The following SEMA5A variants were observed in gnomAD, a reference collection of about 807,000 sequenced individuals.
The protein encoded by SEMA5A is semaphorin 5A, also known as semaphorin-5A.
Under a neutral mutation model 135.5 loss-of-function variants are expected in SEMA5A, and 55 were observed. That is an observed-to-expected ratio of 0.41 (90% CI 0.33 to 0.51). The LOEUF (loss-of-function observed/expected upper bound fraction) is 0.51, where lower values mean the gene tolerates loss of function less well. SEMA5A is among the 20% of genes least tolerant of loss of function. The pLI is 0.37. For synonymous variants in SEMA5A, 580 were observed against 546.5 expected (o/e 1.06, Z -0.85); for missense variants, 1,290 against 1,419.9 (o/e 0.91, Z 1.47).
chr5:9,371,573 T>A (rs896044550), intron 3 of SEMA5A, among the ~76,000 whole-genome samples: 1 of 152,232 alleles, frequency 6.6e-6, no homozygotes, highest in Non-Finnish European at 1.5e-5. Flanking sequence ...AAATCAGAAA[T>A]GTATCCCAAA....
intron 4 of SEMA5A, among the ~76,000 whole-genome samples, chr5:9,327,395 T>C (rs1033164984): frequency 3.3e-5 from 5 of 152,182 alleles, no homozygotes; most frequent in African/African-American, 1.2e-4. Flanking sequence ...TCTCCCAGAA[T>C]CATATTAACT....
chr5:9,167,365 A>T (rs1743667686), intron 11 of SEMA5A, among the ~76,000 whole-genome samples: 1 of 152,226 alleles, frequency 6.6e-6, no homozygotes, highest in Non-Finnish European at 1.5e-5. Context: ...AGAACTCAGT[A>T]TACCCAAAAC....
At chr5:9,322,763 C>T (rs1174193417) in intron 4 of SEMA5A, among the ~76,000 whole-genome samples, 1 of 152,086 alleles carries the variant, frequency 6.6e-6, no homozygotes, top group South Asian at 2.1e-4. Flanking sequence ...TGTCCTTTGT[C>T]CCATTATGCC....
intron 8 of SEMA5A, among the ~76,000 whole-genome samples, chr5:9,209,076 T>C (rs1746204277): frequency 6.6e-6 from 1 of 152,186 alleles, no homozygotes; most frequent in Non-Finnish European, 1.5e-5. Flanking sequence ...GGAACCACTT[T>C]TACCAAGGGG....
chr5:9,453,998 G>C (rs1194465226), intron 1 of SEMA5A, among the ~76,000 whole-genome samples: 1 of 152,186 alleles, frequency 6.6e-6, no homozygotes, highest in Non-Finnish European at 1.5e-5. Context: ...CAAAGTACTA[G>C]CCTTCTTGCT....
intron 4 of SEMA5A, among the ~76,000 whole-genome samples, chr5:9,335,052 C>G (rs916566562): frequency 1.3e-5 from 2 of 152,030 alleles, no homozygotes. Flanking sequence ...GGGATGGAAG[C>G]CACAAGACAC....
chr5:9,409,437 C>G (rs948254800), intron 2 of SEMA5A, among the ~76,000 whole-genome samples: 2 of 152,166 alleles, frequency 1.3e-5, no homozygotes, highest in African/African-American at 4.8e-5. Context: ...AAATTGTACT[C>G]ATCTGGTAGG....
intron 6 of SEMA5A, among the ~76,000 whole-genome samples, chr5:9,236,811 AT>A (rs1747938636): frequency 6.6e-6 from 1 of 151,862 alleles, no homozygotes; most frequent in Admixed American, 6.6e-5. Context: ...CTACTCCTTT[AT>A]TCAGGGTTGG....
intron 8 of SEMA5A, among the ~76,000 whole-genome samples, chr5:9,203,712 C>T (rs182144918): frequency 5.3e-5 from 8 of 152,106 alleles, no homozygotes; most frequent in South Asian, 2.1e-4. Flanking sequence ...CAGTACAATA[C>T]GTTGTTAAGT....
intron 2 of SEMA5A, among the ~76,000 whole-genome samples, chr5:9,429,267 C>T (rs532086390): frequency 1.3e-5 from 2 of 152,294 alleles, no homozygotes; most frequent in South Asian, 4.1e-4. Flanking sequence ...AGCCCATAGC[C>T]TTCCAGCTCT....
intron 16 of SEMA5A, among the ~76,000 whole-genome samples, chr5:9,075,123 C>T (rs1737976836): frequency 6.6e-6 from 1 of 151,978 alleles, no homozygotes; most frequent in Non-Finnish European, 1.5e-5. Context: ...ATATTATAAC[C>T]AAAAAGTTGA....
At chr5:9,307,311 T>C (rs1031717227) in intron 5 of SEMA5A, among the ~76,000 whole-genome samples, 7 of 152,290 alleles carry the variant, frequency 4.6e-5, no homozygotes, top group South Asian at 2.1e-4. Flanking sequence ...AAAAGGATTG[T>C]TTGTCAAACA....
intron 5 of SEMA5A, among the ~76,000 whole-genome samples, chr5:9,303,119 A>ATTT (rs527501004): frequency 2.8e-5 from 4 of 142,836 alleles, no homozygotes; most frequent in Non-Finnish European, 3.1e-5. Context: ...TATATATATA[A>ATTT]TTTTTTTTTT....
At chr5:9,399,361 C>A (rs938943138) in intron 2 of SEMA5A, among the ~76,000 whole-genome samples, 9 of 152,058 alleles carry the variant, frequency 5.9e-5, no homozygotes, top group Admixed American at 2.6e-4. Flanking sequence ...AGAAATCAGG[C>A]ACAATAGGCC....
rs3034595 is a variant in SEMA5A at position 9,225,568 on chromosome 5, CAA to C, written c.433-683_433-682del. ...TGGGAGGCAGAGCGAGACTCTGTCTCAAAAAAAAAAAAAAAAAATTATGTATA... is the reference window on the plus strand; with the variant it reads ...TGGGAGGCAGAGCGAGACTCTGTCTCAAAAAAAAAAAAAAAATTATGTATA... On this transcript the variant is annotated intron_variant, in intron 7 of 22. Transcript: ENST00000382496. 7.2e-3 allele frequency among the ~76,000 whole-genome samples: 803 copies of C among 112,292 alleles called. 4 individuals are homozygous for C. The highest frequency in any genetic ancestry group is 9.6e-3 in the Non-Finnish European group (513 of 53,326). The allele number at this position is 112,292 out of a possible 152,430, so 73.7% of individuals were successfully genotyped here.
chr5:9,097,108 T>A (rs1198391059), intron 16 of SEMA5A, among the ~76,000 whole-genome samples: 1 of 152,168 alleles, frequency 6.6e-6, no homozygotes, highest in Non-Finnish European at 1.5e-5. Context: ...GGAAAAAGCA[T>A]ACTGTGAACA....
intron 5 of SEMA5A, among the ~76,000 whole-genome samples, chr5:9,241,120 G>T (rs1748168732): frequency 6.6e-6 from 1 of 152,072 alleles, no homozygotes; most frequent in Non-Finnish European, 1.5e-5. Flanking sequence ...AATATTCAAA[G>T]ATTAGATACA....
At chr5:9,432,246 A>G (rs1757883163) in intron 2 of SEMA5A, among the ~76,000 whole-genome samples, 1 of 152,204 alleles carries the variant, frequency 6.6e-6, no homozygotes, top group South Asian at 2.1e-4. Flanking sequence ...GGGACTCAGG[A>G]GTGGTGTCTA....
chr5:9,267,800 T>G (rs539886189), intron 5 of SEMA5A, among the ~76,000 whole-genome samples: 39 of 152,196 alleles, frequency 2.6e-4, no homozygotes, highest in African/African-American at 7.9e-4. Context: ...AGGAAAGAGA[T>G]GAGAAAAGAT....
Sources: gnomAD v4.1 joint callset for allele counts (sites outside exome capture counted in the v4.1 genomes callset) on GRCh38, gnomAD v4.1.1 for gene constraint, MANE v1.5 for transcripts, NCBI Gene and HGNC (gene_info 2026-07-23, HGNC 2026-07-21) for gene names.